Variants in SCN2A observed in about 807,000 individuals in gnomAD.
SCN2A encodes the protein sodium channel protein type 2 subunit alpha.
In SCN2A, 20 loss-of-function variants were observed where a neutral mutation model predicts 188.7. The observed-to-expected ratio is 0.11, with a 90% CI of 0.07 to 0.15. The LOEUF is 0.15. SCN2A is among the 10% of genes least tolerant of loss of function. The pLI is 1.00. For synonymous variants in SCN2A, 804 were observed against 833.1 expected (o/e 0.97, Z 0.60); for missense variants, 1,278 against 2,445.0 (o/e 0.52, Z 10.07).
chr2:165,316,647 C>A (rs1354006264), intron 11 of SCN2A, among the ~76,000 whole-genome samples: 1 of 152,138 alleles, frequency 6.6e-6, no homozygotes, highest in Admixed American at 6.6e-5. Context: ...CCTTTCACTG[C>A]AACCCTAGGT....
intron 1 of SCN2A, chr2:165,273,152 A>G (rs1157179550): frequency 6.6e-6 from 1 of 152,192 alleles, no homozygotes; most frequent in Non-Finnish European, 1.5e-5. Context: ...AATCTCTTAT[A>G]GCAATGTGCA....
chr2:165,314,111 A>G lies in SCN2A; in HGVS notation c.1383+3A>G. On this transcript the variant is annotated splice_donor_region_variant and intron_variant, in intron 10 of 26. Transcript: ENST00000375437. ...AAAAGCAACAAGAAGAAGCTCAGGTATAGTGAACAAGCATACGGTCCTTTG... is the reference window on the plus strand; with the variant it reads ...AAAAGCAACAAGAAGAAGCTCAGGTGTAGTGAACAAGCATACGGTCCTTTG... The G allele has an allele frequency of 6.2e-7, 1 of 1,612,974 alleles. No homozygotes were observed. The highest frequency in any genetic ancestry group is 8.5e-7 in the Non-Finnish European group (1 of 1,179,284).
At chr2:165,264,957 G>A (rs1249017929) in intron 1 of SCN2A, among the ~76,000 whole-genome samples, 5 of 151,842 alleles carry the variant, frequency 3.3e-5, no homozygotes, top group Non-Finnish European at 7.4e-5. Flanking sequence ...TTATAATAGC[G>A]TGATTTATAT....
chr2:165,310,304 C>G lies in SCN2A; in HGVS notation c.698-19C>G. The G allele has an allele frequency of 2.5e-6, 4 of 1,613,158 alleles. No individual in the cohort carries two copies. The highest frequency in any genetic ancestry group is 3.4e-6 in the Non-Finnish European group (4 of 1,179,298). ...GTTGAGTAGTATATTTAAATTCCCC[C>G]TTCTGATTTTGTTTGTAGGCCTGAA... On this transcript the variant is annotated intron_variant, in intron 6 of 26. Transcript: ENST00000375437.
intron 1 of SCN2A, among the ~76,000 whole-genome samples, chr2:165,290,205 T>A (rs568399330): frequency 3.3e-5 from 5 of 152,236 alleles, no homozygotes; most frequent in Admixed American, 2.0e-4. Context: ...ACATTTAGCA[T>A]TTCTTTGTAT....
In SCN2A at chr2:165,374,712, A is replaced by G; in HGVS notation, c.4000A>G (p.Ile1334Val). The change falls in exon 22 of 27, where the codon ATT becomes GTT. Residue 1334 changes from isoleucine to valine, a missense_variant. Coordinates refer to ENST00000375437, the MANE Select transcript of SCN2A (RefSeq NM_001040142.2). The part of the protein sequence containing the change: ...RVVVNALLGA[I>V]PSIMNVLLVC... ...TGTTGTAAATGCTCTTTTAGGAGCCATTCCATCTATCATGAATGTACTTCT... is the reference window on the plus strand; with the variant it reads ...TGTTGTAAATGCTCTTTTAGGAGCCGTTCCATCTATCATGAATGTACTTCT... 5 of 1,613,430 alleles carry G rather than the reference A, an allele frequency of 3.1e-6. No homozygotes were observed. The highest frequency in any genetic ancestry group is 1.1e-5 in the South Asian group (1 of 91,064).
At chr2:165,278,426 G>A (rs924724415) in intron 1 of SCN2A, among the ~76,000 whole-genome samples, 2 of 152,152 alleles carry the variant, frequency 1.3e-5, no homozygotes, top group African/African-American at 2.4e-5. Context: ...GAAGTGCTGA[G>A]CAAAGAGGGG....
chr2:165,354,938 T>G (rs1310705086), intron 17 of SCN2A, among the ~76,000 whole-genome samples: 1 of 152,222 alleles, frequency 6.6e-6, no homozygotes, highest in Non-Finnish European at 1.5e-5. Flanking sequence ...TCAGTATTTA[T>G]AAATAATTTT....
chr2:165,361,349 T>C (rs1700452131), intron 17 of SCN2A, among the ~76,000 whole-genome samples: 1 of 152,040 alleles, frequency 6.6e-6, no homozygotes, highest in African/African-American at 2.4e-5. Context: ...AACAATATCA[T>C]AAGCACTATC....
chr2:165,275,745 T>C (rs1329753923), intron 1 of SCN2A, among the ~76,000 whole-genome samples: 2 of 152,128 alleles, frequency 1.3e-5, no homozygotes, highest in East Asian at 3.9e-4. Context: ...ATACCCTTTT[T>C]TTTTTCCAAG....
chr2:165,313,569 T>G, intron 8 of SCN2A, 51 bp from the exon 9 acceptor site: 2 of 1,608,066 alleles, frequency 1.2e-6, no homozygotes. Context: ...GAAAACCAAT[T>G]AGCAGACTTG....
At chr2:165,386,275 C>A (rs1574745144) in intron 25 of SCN2A, among the ~76,000 whole-genome samples, 2 of 151,906 alleles carry the variant, frequency 1.3e-5, no homozygotes, top group African/African-American at 2.4e-5. Context: ...ACCAGCCTGA[C>A]CAATACGGTG....
intron 12 of SCN2A, among the ~76,000 whole-genome samples, chr2:165,324,657 C>T (rs1048003157): frequency 1.3e-5 from 2 of 152,114 alleles, no homozygotes; most frequent in Non-Finnish European, 2.9e-5. Flanking sequence ...GAACACTGTA[C>T]ATGTGTTAAG....
chr2:165,343,294 A>G (rs544978294), intron 15 of SCN2A, among the ~76,000 whole-genome samples: 12 of 152,284 alleles, frequency 7.9e-5, no homozygotes, highest in Admixed American at 2.6e-4. Context: ...TCTGCTTTCA[A>G]TGTTCAAATT....
In SCN2A at chr2:165,244,220, C is replaced by T. The variant is rs181882255; in HGVS notation, c.-52+4580C>T. ...TCGTGCCACTGCACTCCAGCTTGGGCGATAGAGGGAAACTCTGAGTCAAAA... is the reference window on the plus strand; with the variant it reads ...TCGTGCCACTGCACTCCAGCTTGGGTGATAGAGGGAAACTCTGAGTCAAAA... On this transcript the variant is annotated intron_variant, in intron 1 of 26. Coordinates refer to ENST00000375437, the MANE Select transcript of SCN2A (RefSeq NM_001040142.2). Among the ~76,000 whole-genome samples, 34 of 151,586 alleles carry T rather than the reference C, an allele frequency of 2.2e-4. No individual in the cohort carries two copies. The South Asian group carries it at 2.7e-3, about 12-fold the overall frequency.
At position 165,369,217 on chromosome 2, in the gene SCN2A, C is replaced by T. The variant is rs532255431; in HGVS notation, c.3676-909C>T. Among the ~76,000 whole-genome samples, 3 of 152,278 alleles carry T rather than the reference C, an allele frequency of 2.0e-5. No homozygotes were observed. In the South Asian group the frequency reaches 6.2e-4, roughly 32 times the overall value. ...GTGCTGGAACGACGGGCGTGAACCA[C>T]CGCACCTTGCCAGACATGCTTTCTA... On this transcript the variant is annotated intron_variant, in intron 19 of 26. Coordinates refer to ENST00000375437, the MANE Select transcript of SCN2A (RefSeq NM_001040142.2).
rs373691845 is a variant in SCN2A, at chr2:165,315,544, G to A, written c.1457G>A (p.Ser486Asn). ...GGTGGGATAGGAGTTTTTTCAGAGA[G>A]TTCTTCAGTAGCATCTAAGTTGAGC... Reference protein sequence around the residue: ...GAGGIGVFSESSSVASKLSSK... With the variant: ...GAGGIGVFSENSSVASKLSSK... The change falls in exon 11 of 27, where the codon AGT (serine) becomes AAT (asparagine). Residue 486 changes from serine (S) to asparagine (N), a missense_variant. Ser to Asn is a conservative substitution (Grantham distance 46). Transcript: ENST00000375437. 6.2e-6 allele frequency: 10 copies of A among 1,613,888 alleles called. No homozygotes were observed. The highest frequency in any genetic ancestry group is 8.5e-6 in the Non-Finnish European group (10 of 1,179,936).
intron 1 of SCN2A, among the ~76,000 whole-genome samples, chr2:165,279,012 AAG>A (rs1370344842): frequency 6.6e-6 from 1 of 151,992 alleles, no homozygotes; most frequent in Non-Finnish European, 1.5e-5. Context: ...TGAAGGAAGG[AAG>A]CAGGGAAGGA....
chr2:165,380,859 T>A, intron 24 of SCN2A, 130 bp downstream of exon 24: 1 of 828,902 alleles, frequency 1.2e-6, no homozygotes, highest in East Asian at 2.7e-5. Context: ...AGACATTTGA[T>A]AATCGATAAG....
Sources: allele counts gnomAD v4.1 joint callset (sites outside exome capture counted in the v4.1 genomes callset), GRCh38; gene constraint gnomAD v4.1.1; transcripts MANE v1.5; gene names NCBI Gene and HGNC (gene_info 2026-07-23, HGNC 2026-07-21).